THSD4: variants seen among roughly 807,000 people sequenced by gnomAD.
THSD4 encodes the protein thrombospondin type 1 domain containing 4.
THSD4 carries 69 observed loss-of-function variants against 119.0 expected under a neutral mutation model. The ratio of observed to expected loss-of-function variants is 0.58; its 90% CI spans 0.48 to 0.71. The LOEUF is 0.71. Ranked by LOEUF, THSD4 falls within the 30% of genes least tolerant of loss-of-function variation. The pLI, the probability that THSD4 is intolerant of heterozygous loss-of-function variation, is 0.00. For missense variants in THSD4, 1,393 were observed against 1,391.1 expected, an observed-to-expected ratio of 1.00 and a Z score of -0.02; for synonymous variants, 524 against 540.4, an observed-to-expected ratio of 0.97 and a Z score of 0.42.
chr15:71,412,535 G>T (rs1490281043), intron 7 of THSD4, among the ~76,000 whole-genome samples: 1 of 152,178 alleles, frequency 6.6e-6, no homozygotes, highest in African/African-American at 2.4e-5. Flanking sequence ...ATGGAGCTAA[G>T]ATTTAGCAGG....
intron 7 of THSD4, among the ~76,000 whole-genome samples, chr15:71,564,153 C>T (rs1159883192): frequency 5.3e-5 from 8 of 152,192 alleles, no homozygotes; most frequent in African/African-American, 1.9e-4. Context: ...ATTTTTCCCT[C>T]TTCAGGAAGT....
intron 8 of THSD4, among the ~76,000 whole-genome samples, chr15:71,708,405 C>T (rs750105703): frequency 5.3e-5 from 8 of 152,152 alleles, no homozygotes; most frequent in Non-Finnish European, 1.2e-4. Flanking sequence ...TGTCTTTAGC[C>T]CAACCCATGA....
chr15:71,576,088 ATAG>A (rs1420943184), intron 7 of THSD4, among the ~76,000 whole-genome samples: 2 of 139,552 alleles, frequency 1.4e-5, no homozygotes, highest in Non-Finnish European at 3.2e-5. Flanking sequence ...TAAGAGTTAG[ATAG>A]TAGTCTTTTT....
chr15:71,116,434 G>A (rs958894358), intron 1 of THSD4, among the ~76,000 whole-genome samples: 1 of 152,194 alleles, frequency 6.6e-6, no homozygotes, highest in Non-Finnish European at 1.5e-5. Flanking sequence ...GGGGATTTTA[G>A]GGCGTTCTCG....
intron 7 of THSD4, among the ~76,000 whole-genome samples, chr15:71,476,707 C>T (rs1411451275): frequency 5.3e-5 from 8 of 152,206 alleles, no homozygotes; most frequent in African/African-American, 1.9e-4. Context: ...TCTTTTAGCA[C>T]CTCAAGAAGA....
intron 3 of THSD4, among the ~76,000 whole-genome samples, chr15:71,170,255 C>T (rs2043344167): frequency 6.6e-6 from 1 of 152,156 alleles, no homozygotes; most frequent in East Asian, 1.9e-4. Context: ...GACTGTGGAG[C>T]TCTGCAGGAG....
intron 7 of THSD4, among the ~76,000 whole-genome samples, chr15:71,655,936 G>A (rs1461747471): frequency 2.6e-5 from 4 of 152,224 alleles, no homozygotes; most frequent in Non-Finnish European, 5.9e-5. Flanking sequence ...TCAAAGAGAA[G>A]TGACCAATCC....
At chr15:71,639,255 C>A (rs1438006400) in intron 7 of THSD4, among the ~76,000 whole-genome samples, 1 of 152,190 alleles carries the variant, frequency 6.6e-6, no homozygotes, top group Non-Finnish European at 1.5e-5. Flanking sequence ...TGAGTACTTT[C>A]ATCAATTTGT....
intron 7 of THSD4, among the ~76,000 whole-genome samples, chr15:71,639,946 A>C (rs1184909428): frequency 6.6e-6 from 1 of 152,214 alleles, no homozygotes; most frequent in Non-Finnish European, 1.5e-5. Flanking sequence ...CATGAGAAAT[A>C]ATACATCTTA....
At chr15:71,773,720 G>A (rs1249764104) in intron 17 of THSD4, among the ~76,000 whole-genome samples, 4 of 152,208 alleles carry the variant, frequency 2.6e-5, no homozygotes, top group African/African-American at 4.8e-5. Flanking sequence ...AAGAATCTGT[G>A]TAGGCTCTGA....
intron 3 of THSD4, among the ~76,000 whole-genome samples, chr15:71,214,403 T>A (rs2043912999): frequency 6.6e-6 from 1 of 152,228 alleles, no homozygotes; most frequent in South Asian, 2.1e-4. Flanking sequence ...GCTGTAACAC[T>A]CAACAGCGAA....
intron 7 of THSD4, among the ~76,000 whole-genome samples, chr15:71,617,915 T>G (rs2050347332): frequency 6.6e-6 from 1 of 152,200 alleles, no homozygotes; most frequent in African/African-American, 2.4e-5. Flanking sequence ...GTTTCTTGAT[T>G]TCTGTTTATC....
At chr15:71,140,010 C>G (rs530504388) in intron 1 of THSD4, among the ~76,000 whole-genome samples, 368 of 152,332 alleles carry the variant, frequency 2.4e-3, no homozygotes, top group African/African-American at 8.7e-3. Context: ...ACTATTGGCT[C>G]ACTTGACAAT....
At chr15:71,344,799 A>G (rs2045632712) in intron 6 of THSD4, among the ~76,000 whole-genome samples, 1 of 152,160 alleles carries the variant, frequency 6.6e-6, no homozygotes, top group Admixed American at 6.5e-5. Flanking sequence ...GGTCTACTCA[A>G]CAAATGTGGC....
intron 7 of THSD4, among the ~76,000 whole-genome samples, chr15:71,659,486 A>G (rs552340070): frequency 4.7e-4 from 72 of 152,184 alleles, no homozygotes; most frequent in African/African-American, 1.7e-3. Context: ...TGATGCAATC[A>G]CTGTAGCCTC....
intron 6 of THSD4, among the ~76,000 whole-genome samples, chr15:71,304,610 A>G (rs2044998086): frequency 6.6e-6 from 1 of 152,180 alleles, no homozygotes; most frequent in African/African-American, 2.4e-5. Context: ...GGGGAAACAC[A>G]AGAACATTAC....
chr15:71,659,196 C>T (rs2140993607), intron 7 of THSD4, among the ~76,000 whole-genome samples: 1 of 152,308 alleles, frequency 6.6e-6, no homozygotes, highest in East Asian at 1.9e-4. Context: ...CTTTCCATAT[C>T]CTCATGACCC....
At chr15:71,112,196 G>A (rs780399018), upstream of THSD4, 2 of 1,613,766 alleles carry the variant, frequency 1.2e-6, no homozygotes, top group Non-Finnish European at 1.7e-6. Flanking sequence ...AGAAATGGCT[G>A]AATGTTCTGT....
At chr15:71,703,080 G>A (rs559122164) in intron 8 of THSD4, among the ~76,000 whole-genome samples, 5 of 151,958 alleles carry the variant, frequency 3.3e-5, no homozygotes, top group Admixed American at 1.3e-4. Context: ...TCCTGGGTTC[G>A]AAGGATTCTC....
Sources: allele counts gnomAD v4.1 joint callset (sites outside exome capture counted in the v4.1 genomes callset), GRCh38; gene constraint gnomAD v4.1.1; transcripts MANE v1.5; gene names NCBI Gene and HGNC (gene_info 2026-07-23, HGNC 2026-07-21).